FRMD4A: variants seen among roughly 807,000 people sequenced by gnomAD.
FRMD4A encodes the protein FERM domain-containing protein 4A.
A neutral mutation model predicts 129.1 loss-of-function variants in FRMD4A; 29 were observed. The ratio of observed to expected loss-of-function variants is 0.22; its 90% CI spans 0.17 to 0.31. FRMD4A has a LOEUF of 0.31. Among genes scored for constraint, FRMD4A ranks in the 10% least tolerant of loss-of-function variants. The pLI, the probability that FRMD4A is intolerant of heterozygous loss-of-function variation, is 1.00. For missense variants in FRMD4A, 1,272 were observed against 1,375.8 expected (o/e 0.92, Z 1.19); for synonymous variants, 634 against 571.6 (o/e 1.11, Z -1.56).
chr10:13,842,094 G>A (rs1471033961), intron 3 of FRMD4A, among the ~76,000 whole-genome samples: 1 of 152,174 alleles, frequency 6.6e-6, no homozygotes, highest in Non-Finnish European at 1.5e-5. Flanking sequence ...CTATTAAGCA[G>A]CTGGAATTAT....
rs529412620 is a variant in FRMD4A, at chr10:13,699,749, C to T, written c.975+1591G>A. Among the ~76,000 whole-genome samples the T allele has an allele frequency of 1.8e-4, 28 of 152,258 alleles. No homozygotes were observed. In the East Asian group the frequency reaches 3.1e-3, roughly 17 times the overall value. ...GGGTGAAATTAACGTTCTCAGGTGT[C>T]GACCTCCAACTGTTGCCCCTGGACA... On this transcript the variant is annotated intron_variant, in intron 14 of 24. Transcript: ENST00000357447.
intron 4 of FRMD4A, among the ~76,000 whole-genome samples, chr10:13,797,755 C>T (rs768652081): frequency 5.3e-5 from 8 of 152,172 alleles, no homozygotes; most frequent in Non-Finnish European, 1.0e-4. Flanking sequence ...GGCATGTGTG[C>T]AAGACTGTGG....
At chr10:14,218,029 C>G (rs904211539) in intron 2 of FRMD4A, among the ~76,000 whole-genome samples, 22 of 152,134 alleles carry the variant, frequency 1.4e-4, no homozygotes, top group Non-Finnish European at 3.2e-4. Flanking sequence ...TGGGTTTCAT[C>G]ATGTTGGCCA....
chr10:14,004,198 C>A (rs557868141), intron 2 of FRMD4A, among the ~76,000 whole-genome samples: 1 of 152,186 alleles, frequency 6.6e-6, no homozygotes, highest in Non-Finnish European at 1.5e-5. Context: ...TAAAGGATCT[C>A]CCCAGGAGAC....
intron 5 of FRMD4A, among the ~76,000 whole-genome samples, chr10:13,786,788 CGGT>C (rs1379615189): frequency 5.3e-5 from 8 of 152,068 alleles, no homozygotes; most frequent in Non-Finnish European, 1.0e-4. Context: ...CTGAAGTTGA[CGGT>C]GGCCTTTGTG....
chr10:13,689,379 G>C (rs2085448603), intron 15 of FRMD4A, among the ~76,000 whole-genome samples: 2 of 151,870 alleles, frequency 1.3e-5, no homozygotes, highest in Admixed American at 1.3e-4. Context: ...AAGATGACAA[G>C]ATGGATACTA....
Position 14,264,114 on chromosome 10 carries a change from A to G in FRMD4A, c.45+65944T>C, listed in dbSNP as rs547950840. On this transcript the variant is annotated intron_variant, in intron 2 of 24. Coordinates refer to ENST00000357447, the MANE Select transcript of FRMD4A (RefSeq NM_018027.5). ...ACTTTTCACCTGCCAAGCGCTTTAC[A>G]AGATTACCTCATTAATCCACTCTGC... 1.4e-4 allele frequency among the ~76,000 whole-genome samples: 21 copies of G among 152,310 alleles called. No homozygotes were observed. In the South Asian group the frequency reaches 3.3e-3, roughly 24 times the overall value.
intron 2 of FRMD4A, among the ~76,000 whole-genome samples, chr10:14,018,252 C>T (rs2095705295): frequency 6.6e-6 from 1 of 151,260 alleles, no homozygotes; most frequent in Admixed American, 6.6e-5. Context: ...CATAGACCAT[C>T]CTGGCTAACA....
intron 8 of FRMD4A, among the ~76,000 whole-genome samples, chr10:13,751,973 G>A (rs2091648597): frequency 6.6e-6 from 1 of 152,156 alleles, no homozygotes; most frequent in Non-Finnish European, 1.5e-5. Context: ...CTATGACCAT[G>A]CCACTGTTCT....
In FRMD4A at chr10:13,879,233, TA is replaced by T. The variant is rs201709440; in HGVS notation, c.46-20322del. On this transcript the variant is annotated intron_variant, in intron 2 of 24. Transcript: ENST00000357447. ...GGGCAACACAGTGAGACCCCATCTC[TA>T]AAAAAAAATACAAAAATTAGCCGGG... 1.7e-4 allele frequency among the ~76,000 whole-genome samples: 26 copies of T among 151,156 alleles called. No individual in the cohort carries two copies. The South Asian group carries it at 4.0e-3, about 23-fold the overall frequency.
chr10:14,268,165 TTATC>T (rs1845044204), intron 2 of FRMD4A, among the ~76,000 whole-genome samples: 1 of 152,242 alleles, frequency 6.6e-6, no homozygotes, highest in Admixed American at 6.5e-5. Flanking sequence ...ACTGTGTTCT[TTATC>T]TATCATCTGT....
intron 6 of FRMD4A, among the ~76,000 whole-genome samples, chr10:13,775,616 A>G (rs780937395): frequency 5.9e-5 from 9 of 152,212 alleles, no homozygotes; most frequent in Non-Finnish European, 1.2e-4. Flanking sequence ...GGATCCGGGA[A>G]AGAGAGGACC....
chr10:14,139,442 T>A (rs1371516112), intron 2 of FRMD4A, among the ~76,000 whole-genome samples: 1 of 138,840 alleles, frequency 7.2e-6, no homozygotes, highest in African/African-American at 2.7e-5. Context: ...TTTCTTTTTT[T>A]ATTATTTATT....
At chr10:14,008,958 C>G (rs970254740) in intron 2 of FRMD4A, among the ~76,000 whole-genome samples, 1 of 152,144 alleles carries the variant, frequency 6.6e-6, no homozygotes, top group Admixed American at 6.5e-5. Flanking sequence ...TGAATCAAAT[C>G]AAATCGAACA....
At chr10:14,183,293 G>A (rs779479318) in intron 2 of FRMD4A, among the ~76,000 whole-genome samples, 3 of 152,192 alleles carry the variant, frequency 2.0e-5, no homozygotes, top group Non-Finnish European at 2.9e-5. Context: ...GTCTTGGAAA[G>A]TTACACATTA....
chr10:14,157,099 G>A (rs2131863269), intron 2 of FRMD4A, among the ~76,000 whole-genome samples: 1 of 152,300 alleles, frequency 6.6e-6, no homozygotes, highest in Non-Finnish European at 1.5e-5. Flanking sequence ...TGCAGCAAAA[G>A]TCTAGCCTGA....
At chr10:14,289,253 A>C (rs1375678162) in intron 2 of FRMD4A, among the ~76,000 whole-genome samples, 2 of 152,166 alleles carry the variant, frequency 1.3e-5, no homozygotes, top group African/African-American at 4.8e-5. Flanking sequence ...CAAGGGCTCC[A>C]ATTTATTCGT....
chr10:13,931,507 A>G (rs373804809), intron 2 of FRMD4A, among the ~76,000 whole-genome samples: 1 of 151,952 alleles, frequency 6.6e-6, no homozygotes, highest in African/African-American at 2.4e-5. Context: ...TTCACTGTTC[A>G]TTCCCCAGGA....
chr10:13,842,485 A>G (rs965201194), intron 3 of FRMD4A, among the ~76,000 whole-genome samples: 1 of 152,144 alleles, frequency 6.6e-6, no homozygotes, highest in Non-Finnish European at 1.5e-5. Context: ...TCTCACCAAA[A>G]TCCTGCAAGG....
Sources: gnomAD v4.1 joint callset for allele counts (sites outside exome capture counted in the v4.1 genomes callset) on GRCh38, gnomAD v4.1.1 for gene constraint, MANE v1.5 for transcripts, NCBI Gene and HGNC (gene_info 2026-07-23, HGNC 2026-07-21) for gene names.